CTNNA2: variants seen among roughly 807,000 people sequenced by gnomAD.
CTNNA2 encodes catenin alpha 2.
Under a neutral mutation model 101.0 loss-of-function variants are expected in CTNNA2, and 42 were observed. The observed-to-expected ratio is 0.42, with a 90% CI of 0.32 to 0.54. The LOEUF is 0.54. CTNNA2 is among the 20% of genes least tolerant of loss of function. CTNNA2 has a pLI of 0.14. For synonymous variants in CTNNA2, 450 were observed against 456.4 expected (o/e 0.99, Z 0.18); for missense variants, 871 against 1,223.1 (o/e 0.71, Z 4.29).
chr2:79,237,779 T>G (rs1262044350), intron 2 of CTNNA2, among the ~76,000 whole-genome samples: 1 of 152,228 alleles, frequency 6.6e-6, no homozygotes, highest in Admixed American at 6.5e-5. Flanking sequence ...AGCTTGAAAC[T>G]TTCCTTCTGC....
At chr2:79,617,696 A>G (rs764819852) in intron 1 of CTNNA2, among the ~76,000 whole-genome samples, 99 of 152,290 alleles carry the variant, frequency 6.5e-4, no homozygotes, top group Non-Finnish European at 1.0e-3. Context: ...GTTTACAAAT[A>G]AGAGAACCTG....
chr2:79,384,893 C>T (rs938188406), intron 4 of CTNNA2, among the ~76,000 whole-genome samples: 1 of 152,106 alleles, frequency 6.6e-6, no homozygotes, highest in Non-Finnish European at 1.5e-5. Context: ...ATAAAAATCA[C>T]ATTAAAAGGC....
At chr2:79,919,173 G>C (rs1240694265) in intron 7 of CTNNA2, among the ~76,000 whole-genome samples, 1 of 152,078 alleles carries the variant, frequency 6.6e-6, no homozygotes, top group African/African-American at 2.4e-5. Context: ...GGCCTTTGCT[G>C]TTCAGAGCGG....
At chr2:80,286,009 C>A (rs1674737542) in intron 7 of CTNNA2, among the ~76,000 whole-genome samples, 1 of 152,086 alleles carries the variant, frequency 6.6e-6, no homozygotes, top group Admixed American at 6.6e-5. Context: ...CAGTGCCAAC[C>A]CATCTTGATT....
At position 80,446,965 on chromosome 2, in the gene CTNNA2, A is replaced by G. The variant is rs567794615; in HGVS notation, c.1290+27364A>G. Among the ~76,000 whole-genome samples, 204 of 152,220 alleles carry G rather than the reference A, an allele frequency of 1.3e-3. 1 individual carries two copies. The highest frequency in any genetic ancestry group is 4.5e-3 in the African/African-American group (189 of 41,544). ...GCAAATGTATTCTGATTGCACCAAC[A>G]TTTCTTAACGTGCACTCCAAACTCT... On this transcript the variant is annotated intron_variant, in intron 9 of 18. Transcript: ENST00000402739.
At chr2:80,578,890 T>A (rs1185020714) in intron 13 of CTNNA2, 1 of 152,192 alleles carries the variant, frequency 6.6e-6, no homozygotes, top group Non-Finnish European at 1.5e-5. Flanking sequence ...TTGCCATTAT[T>A]ATTGCTGTTG....
intron 9 of CTNNA2, among the ~76,000 whole-genome samples, chr2:80,444,898 G>A (rs12623147): frequency 0.014 from 2,063 of 152,154 alleles, 39 homozygotes; most frequent in East Asian, 0.096. Context: ...GGCAGCCCAA[G>A]CAGGCTAAGC....
At chr2:80,287,115 A>T (rs1488773162) in intron 7 of CTNNA2, among the ~76,000 whole-genome samples, 3 of 152,134 alleles carry the variant, frequency 2.0e-5, no homozygotes, top group South Asian at 4.1e-4. Flanking sequence ...AAGAGGGAGG[A>T]CCATGGTGAG....
rs1179609204 is a variant in CTNNA2, at chr2:79,622,536, G to C, written c.-5-29016G>C. ...GCAAAAAAACCATCCAAATGACAAT[G>C]ATAAGAAAACATTATTTTTCAATTG... On this transcript the variant is annotated intron_variant, in intron 1 of 18. Transcript: ENST00000402739. 2.0e-5 allele frequency among the ~76,000 whole-genome samples: 3 copies of C among 152,166 alleles called. No homozygotes were observed. The East Asian group carries it at 5.8e-4, about 29-fold the overall frequency.
At chr2:79,837,123 A>G (rs1266987051) in intron 3 of CTNNA2, among the ~76,000 whole-genome samples, 1 of 152,196 alleles carries the variant, frequency 6.6e-6, no homozygotes, top group African/African-American at 2.4e-5. Flanking sequence ...AATGGAATAT[A>G]TATGTATGTG....
chr2:79,747,199 T>G (rs1249331955), intron 3 of CTNNA2, among the ~76,000 whole-genome samples: 1 of 151,966 alleles, frequency 6.6e-6, no homozygotes. Context: ...TTTTATCTAT[T>G]GTGAAGAGTA....
chr2:80,348,504 A>G (rs573422967), intron 7 of CTNNA2, among the ~76,000 whole-genome samples: 3 of 152,206 alleles, frequency 2.0e-5, no homozygotes, highest in Non-Finnish European at 4.4e-5. Context: ...TGGAAAAGCC[A>G]GAGGTTGAAC....
At chr2:79,994,465 C>A (rs561553873) in intron 7 of CTNNA2, among the ~76,000 whole-genome samples, 1 of 152,118 alleles carries the variant, frequency 6.6e-6, no homozygotes, top group Admixed American at 6.6e-5. Context: ...TTTTTGAAAG[C>A]GACCTTGTGG....
At position 79,743,438 on chromosome 2, in the gene CTNNA2, CTTA is replaced by C. The variant is rs1228215738; in HGVS notation, c.103-944_103-942del. Among the ~76,000 whole-genome samples, 18 of 152,148 alleles carry C rather than the reference CTTA, an allele frequency of 1.2e-4. No individual in the cohort carries two copies. In the South Asian group the frequency reaches 3.5e-3, roughly 30 times the overall value. ...AAAAAGAGTAATAATAGATTCAAAT[CTTA>C]TTATGATTCTAGAAACTTTAGCTGG... is the stretch of plus-strand genomic sequence containing the variant. On this transcript the variant is annotated intron_variant, in intron 2 of 18. Transcript: ENST00000402739.
At chr2:80,012,530 T>C (rs1403762454) in intron 7 of CTNNA2, among the ~76,000 whole-genome samples, 1 of 152,150 alleles carries the variant, frequency 6.6e-6, no homozygotes, top group Non-Finnish European at 1.5e-5. Context: ...GATACAAACA[T>C]TTTAGGCTTT....
intron 1 of CTNNA2, among the ~76,000 whole-genome samples, chr2:79,600,957 T>A (rs1012156681): frequency 6.6e-6 from 1 of 152,150 alleles, no homozygotes. Context: ...CCACACCTCC[T>A]AATACCATCA....
chr2:79,379,062 T>C (rs1558653072), intron 4 of CTNNA2, among the ~76,000 whole-genome samples: 1 of 152,190 alleles, frequency 6.6e-6, no homozygotes, highest in Non-Finnish European at 1.5e-5. Flanking sequence ...TTTTAATTAC[T>C]GAAATCATAT....
intron 3 of CTNNA2, among the ~76,000 whole-genome samples, chr2:79,800,658 C>T (rs1676085040): frequency 6.6e-6 from 1 of 152,090 alleles, no homozygotes. Flanking sequence ...AAGAGAGGGG[C>T]TCCAGCTCTA....
At chr2:80,344,736 T>C (rs1300148949) in intron 7 of CTNNA2, among the ~76,000 whole-genome samples, 1 of 152,206 alleles carries the variant, frequency 6.6e-6, no homozygotes, top group Non-Finnish European at 1.5e-5. Flanking sequence ...TTCTCCCTTC[T>C]TGGCTTCCCA....
Sources: gnomAD v4.1 joint callset for allele counts (sites outside exome capture counted in the v4.1 genomes callset) on GRCh38, gnomAD v4.1.1 for gene constraint, MANE v1.5 for transcripts, NCBI Gene and HGNC (gene_info 2026-07-23, HGNC 2026-07-21) for gene names.